Variants in KLHL29 observed in about 807,000 individuals in gnomAD.
KLHL29 encodes kelch-like protein 29.
A neutral mutation model predicts 80.4 loss-of-function variants in KLHL29; 21 were observed. The ratio of observed to expected loss-of-function variants is 0.26; its 90% CI spans 0.19 to 0.38. The LOEUF (loss-of-function observed/expected upper bound fraction) is 0.38, where lower values mean the gene tolerates loss of function less well. Ranked by LOEUF, KLHL29 falls within the 10% of genes least tolerant of loss-of-function variation. The pLI, the probability that KLHL29 is intolerant of heterozygous loss-of-function variation, is 1.00. For missense variants in KLHL29, 867 were observed against 1,223.9 expected (o/e 0.71, Z 4.35); for synonymous variants, 511 against 526.8 (o/e 0.97, Z 0.41).
chr2:23,458,042 G>A (rs1481222446), intron 1 of KLHL29, among the ~76,000 whole-genome samples: 15 of 152,178 alleles, frequency 9.9e-5, no homozygotes, highest in East Asian at 7.7e-4. Flanking sequence ...AAAATAAAAC[G>A]TAAGGATGCC....
chr2:23,509,109 C>T (rs1242040333), intron 2 of KLHL29, among the ~76,000 whole-genome samples: 1 of 152,160 alleles, frequency 6.6e-6, no homozygotes, highest in Non-Finnish European at 1.5e-5. Context: ...CCTTCAGGCC[C>T]GGAATGTGTG....
chr2:23,387,815 C>G (rs1176390392), intron 1 of KLHL29, among the ~76,000 whole-genome samples: 3 of 152,194 alleles, frequency 2.0e-5, no homozygotes, highest in Admixed American at 2.0e-4. Flanking sequence ...CAGGGAATTA[C>G]TAGCACATGT....
rs531171209 is a variant in KLHL29 at position 23,576,807 on chromosome 2, G to A, written c.285+14326G>A. 4.6e-5 allele frequency among the ~76,000 whole-genome samples: 7 copies of A among 152,270 alleles called. No individual in the cohort carries two copies. The South Asian group carries it at 1.0e-3, about 23-fold the overall frequency. Reference sequence around the variant, plus strand: ...TATTCTGTGTCCCTCGCCTCCAGTCGCTGGAACTCTGGTGGCATCTGAGTT... The same window carrying A: ...TATTCTGTGTCCCTCGCCTCCAGTCACTGGAACTCTGGTGGCATCTGAGTT... On this transcript the variant is annotated intron_variant, in intron 3 of 13. Coordinates refer to ENST00000486442, the MANE Select transcript of KLHL29 (RefSeq NM_052920.2).
In KLHL29 at chr2:23,690,596, C is replaced by T. The variant is rs1239413247; in HGVS notation, c.1080-1078C>T. On this transcript the variant is annotated intron_variant, in intron 6 of 13. Coordinates refer to ENST00000486442, the MANE Select transcript of KLHL29 (RefSeq NM_052920.2). ...CCCAGCCACGTGGCCAGGCCCAGCC[C>T]GAGGCAGGACCGGGCTCAGGGTGGG... is the stretch of plus-strand genomic sequence containing the variant. The T allele has an allele frequency of 2.6e-5, 4 of 152,188 alleles. 1 individual carries two copies. The highest frequency in any genetic ancestry group is 9.7e-5 in the African/African-American group (4 of 41,426). 9.4% of individuals were successfully genotyped at this position (152,188 alleles called of 1,614,324 possible).
chr2:23,557,927 G>A (rs1000835985), intron 2 of KLHL29, among the ~76,000 whole-genome samples: 1 of 152,080 alleles, frequency 6.6e-6, no homozygotes, highest in Non-Finnish European at 1.5e-5. Context: ...AAAGATTCAC[G>A]CCCCCAGTAT....
chr2:23,431,324 A>AC (rs746713421), intron 1 of KLHL29, among the ~76,000 whole-genome samples: 1 of 152,188 alleles, frequency 6.6e-6, no homozygotes, highest in Non-Finnish European at 1.5e-5. Flanking sequence ...AGTGAATAAG[A>AC]CCACAGCTGG....
At chr2:23,480,349 T>A (rs1350457157) in intron 2 of KLHL29, among the ~76,000 whole-genome samples, 1 of 152,142 alleles carries the variant, frequency 6.6e-6, no homozygotes, top group Non-Finnish European at 1.5e-5. Context: ...TAGCCGGGCA[T>A]GGTGACACAC....
Position 23,417,926 on chromosome 2 carries a change from T to C in KLHL29, c.-154+32146T>C, listed in dbSNP as rs72846865. ...CTGGGTCTCTTTCTTTTTGGTGCCC[T>C]GTAGCATAACATCGTCTCCTGTCAT... On this transcript the variant is annotated intron_variant, in intron 1 of 13. Transcript: ENST00000486442. Among the ~76,000 whole-genome samples the C allele has an allele frequency of 5.3e-3, 801 of 152,274 alleles. 9 individuals are homozygous for C. The highest frequency in any genetic ancestry group is 0.018 in the African/African-American group (757 of 41,538).
At position 23,518,977 on chromosome 2, in the gene KLHL29, C is replaced by T. The variant is rs543045869; in HGVS notation, c.-45-43175C>T. On this transcript the variant is annotated intron_variant, in intron 2 of 13. Coordinates refer to ENST00000486442, the MANE Select transcript of KLHL29 (RefSeq NM_052920.2). ...GTGACTTCCCCCAGGCAATCCTTAA[C>T]CCAGGGAAAGAGGCTGCTCTGTGGG... Among the ~76,000 whole-genome samples the T allele has an allele frequency of 1.0e-3, 155 of 152,326 alleles. 1 individual carries two copies. The highest frequency in any genetic ancestry group is 1.9e-3 in the Non-Finnish European group (130 of 68,038).
At chr2:23,465,169 A>G (rs1353186350) in intron 1 of KLHL29, among the ~76,000 whole-genome samples, 2 of 152,190 alleles carry the variant, frequency 1.3e-5, no homozygotes, top group Non-Finnish European at 2.9e-5. Context: ...CAGGCAGGGT[A>G]TGGCCCCCTC....
At chr2:23,442,071 G>C (rs1426800332) in intron 1 of KLHL29, among the ~76,000 whole-genome samples, 1 of 152,078 alleles carries the variant, frequency 6.6e-6, no homozygotes, top group East Asian at 1.9e-4. Context: ...GTTATGTGGT[G>C]GGCTCAGTGT....
intron 2 of KLHL29, among the ~76,000 whole-genome samples, chr2:23,530,774 C>T (rs1666465388): frequency 6.6e-6 from 1 of 152,082 alleles, no homozygotes; most frequent in African/African-American, 2.4e-5. Context: ...CACCCCAGCT[C>T]CCACATCCCT....
intron 1 of KLHL29, among the ~76,000 whole-genome samples, chr2:23,437,883 C>T (rs910736843): frequency 6.6e-6 from 1 of 152,198 alleles, no homozygotes; most frequent in Admixed American, 6.5e-5. Flanking sequence ...GGCATTGAAT[C>T]TATAAATTAC....
At position 23,696,628 on chromosome 2, in the gene KLHL29, C is replaced by G; in HGVS notation, c.2105+115C>G. On this transcript the variant is annotated intron_variant, in intron 11 of 13. Transcript: ENST00000486442. This position sits in a 1 kb window ranked among gnomAD's most constrained non-coding sequence, Gnocchi z 5.5. ...AGTGGCGATGGAGCAGAGCCTGGAC[C>G]ATTCATATGGGCAGTCATCCCAGGC... is the stretch of plus-strand genomic sequence containing the variant. 1 of 803,264 alleles carries G rather than the reference C, an allele frequency of 1.2e-6. No individual in the cohort carries two copies. Among genetic ancestry groups the G allele is most frequent in the Non-Finnish European group, 1.9e-6 (1 of 516,178 alleles). The allele number at this position is 803,264 out of a possible 1,614,324, so 49.8% of individuals were successfully genotyped here.
intron 3 of KLHL29, among the ~76,000 whole-genome samples, chr2:23,571,219 G>A (rs1667709544): frequency 6.6e-6 from 1 of 152,222 alleles, no homozygotes; most frequent in Non-Finnish European, 1.5e-5. Context: ...CCCTACTTCA[G>A]GTTAGAAGTG....
chr2:23,450,576 A>C (rs1211370663), intron 1 of KLHL29, among the ~76,000 whole-genome samples: 1 of 152,064 alleles, frequency 6.6e-6, no homozygotes, highest in Admixed American at 6.6e-5. Context: ...AAGACTAAAA[A>C]AAAATGGACA....
At chr2:23,706,459 T>G in intron 13 of KLHL29, 22 bp from the exon 14 acceptor site, 2 of 1,440,814 alleles carry the variant, frequency 1.4e-6, no homozygotes, top group Non-Finnish European at 1.8e-6. Flanking sequence ...TGCCTAACTC[T>G]GTCCCCGCTT....
intron 2 of KLHL29, among the ~76,000 whole-genome samples, chr2:23,553,946 A>G (rs770930280): frequency 4.6e-5 from 7 of 152,148 alleles, no homozygotes; most frequent in Non-Finnish European, 1.0e-4. Flanking sequence ...TCTGGCTTCT[A>G]TGGGCTCTGA....
chr2:23,582,904 T>G (rs1668023054), intron 3 of KLHL29, among the ~76,000 whole-genome samples: 1 of 152,034 alleles, frequency 6.6e-6, no homozygotes, highest in Non-Finnish European at 1.5e-5. Flanking sequence ...TTTGCAGAGG[T>G]AACTAAAGTA....
Sources: gnomAD v4.1 joint callset for allele counts (sites outside exome capture counted in the v4.1 genomes callset) on GRCh38, gnomAD v4.1.1 for gene constraint, Gnocchi (gnomAD v3.1) non-coding constraint, MANE v1.5 for transcripts, NCBI Gene and HGNC (gene_info 2026-07-23, HGNC 2026-07-21) for gene names.